Variants in CHMP3 observed in about 807,000 individuals in gnomAD.
The protein encoded by CHMP3 is charged multivesicular body protein 3, also known as 25.1 protein.
In CHMP3, 8 loss-of-function variants were observed where a neutral mutation model predicts 27.4. The ratio of observed to expected loss-of-function variants is 0.29; its 90% CI spans 0.17 to 0.53. CHMP3 has a LOEUF of 0.53. CHMP3 is among the 20% of genes least tolerant of loss of function. The probability of loss-of-function intolerance (pLI) is 0.96; values close to 1 mark genes in which losing one functional copy is unlikely to be tolerated. For missense variants in CHMP3, 208 were observed against 271.5 expected, an observed-to-expected ratio of 0.77 and a Z score of 1.64; for synonymous variants, 86 against 85.5, an observed-to-expected ratio of 1.01 and a Z score of -0.03.
chr2:86,533,780 A>AG (rs70956117), intron 2 of CHMP3, among the ~76,000 whole-genome samples: 152,377 of 152,378 alleles, frequency 1, 76,188 homozygotes, highest in Non-Finnish European at 1. Flanking sequence ...GTTGGGATTA[A>AG]GCCACCACAC....
At chr2:86,549,276 C>CG (rs1558660059) in intron 1 of CHMP3, among the ~76,000 whole-genome samples, 1 of 143,562 alleles carries the variant, frequency 7.0e-6, no homozygotes, top group East Asian at 2.3e-4. Context: ...AGGGCAGAGG[C>CG]GCTCCTCGCC....
chr2:86,556,846 T>A (rs2104051615), intron 1 of CHMP3, among the ~76,000 whole-genome samples: 1 of 152,260 alleles, frequency 6.6e-6, no homozygotes, highest in South Asian at 2.1e-4. Flanking sequence ...GATACCTGTG[T>A]CTGAGTGTAT....
intron 1 of CHMP3, among the ~76,000 whole-genome samples, chr2:86,549,008 G>A (rs1030713380): frequency 1.3e-5 from 2 of 150,728 alleles, no homozygotes; most frequent in African/African-American, 4.9e-5. Context: ...GGGCGGCCAG[G>A]CAGAGGCGCT....
In CHMP3 at chr2:86,504,661, G is replaced by C. The variant is rs997963255; in HGVS notation, c.*1143C>G. 5 of 151,710 alleles carry C rather than the reference G, an allele frequency of 3.3e-5. No individual in the cohort carries two copies. Among genetic ancestry groups the C allele is most frequent in the Non-Finnish European group, 7.4e-5 (5 of 67,946 alleles). The allele number at this position is 151,710 out of a possible 1,614,324, so 9.4% of individuals were successfully genotyped here. A position where few individuals can be genotyped will look rare whatever the true frequency, so the allele number is the denominator to read the frequency against. On this transcript the variant is annotated 3_prime_UTR_variant, in exon 6 of 6. Transcript: ENST00000263856. ...CGCACCCAGCCAAGATTGCCATTTT[G>C]TATGATGAGACTGGAAGGACCCCAT...
chr2:86,548,505 G>A (rs1676706014), intron 1 of CHMP3, among the ~76,000 whole-genome samples: 1 of 152,160 alleles, frequency 6.6e-6, no homozygotes, highest in Admixed American at 6.5e-5. Flanking sequence ...GGGGTTGGGG[G>A]TAAGGTTATA....
chr2:86,525,874 C>T (rs992590995), intron 3 of CHMP3, among the ~76,000 whole-genome samples: 1 of 152,056 alleles, frequency 6.6e-6, no homozygotes. Context: ...CTTGAGACAT[C>T]TGAGTGGAGA....
At chr2:86,544,275 T>C (rs560307833) in intron 1 of CHMP3, among the ~76,000 whole-genome samples, 2 of 152,336 alleles carry the variant, frequency 1.3e-5, no homozygotes, top group East Asian at 3.9e-4. Context: ...TGTTATTTTC[T>C]AATTTTTTTA....
At position 86,560,051 on chromosome 2, in the gene CHMP3, G is replaced by C. The variant is rs577750780; in HGVS notation, c.45+3253C>G. Among the ~76,000 whole-genome samples the C allele has an allele frequency of 4.6e-5, 7 of 152,288 alleles. No homozygotes were observed. The South Asian group carries it at 1.5e-3, about 32-fold the overall frequency. On this transcript the variant is annotated intron_variant, in intron 1 of 5. Coordinates refer to ENST00000263856, the MANE Select transcript of CHMP3 (RefSeq NM_016079.4). ...GAGGCCAAGGCGGGCAGATCACGAG[G>C]TCAGGAGATCAAGACCATCCTGGCT...
At chr2:86,527,052 G>T (rs1318108268) in intron 3 of CHMP3, 1 of 151,912 alleles carries the variant, frequency 6.6e-6, no homozygotes, top group Non-Finnish European at 1.5e-5. Context: ...TTCAACTTTT[G>T]TAATAATGCT....
intron 3 of CHMP3, among the ~76,000 whole-genome samples, chr2:86,519,990 G>A (rs1046628958): frequency 1.3e-5 from 2 of 152,134 alleles, no homozygotes; most frequent in Non-Finnish European, 2.9e-5. Flanking sequence ...GCTCAAATTT[G>A]TAGACCTGAG....
intron 5 of CHMP3, 109 bp from the exon 6 acceptor site, chr2:86,506,058 A>AGT (rs1284401157): frequency 7.8e-7 from 1 of 1,288,692 alleles, no homozygotes. Flanking sequence ...AAAATGAGAC[A>AGT]GTACAGCAAG....
intron 1 of CHMP3, among the ~76,000 whole-genome samples, chr2:86,549,587 C>G (rs1216482438): frequency 2.7e-5 from 4 of 147,830 alleles, no homozygotes; most frequent in Admixed American, 1.3e-4. Flanking sequence ...AGACGCCCCT[C>G]CCCTCCCAGA....
intron 3 of CHMP3, among the ~76,000 whole-genome samples, chr2:86,514,648 C>A (rs919926852): frequency 2.6e-5 from 4 of 152,076 alleles, no homozygotes; most frequent in African/African-American, 9.7e-5. Context: ...AGAATGCAAT[C>A]AACAAATAGG....
chr2:86,560,383 A>G (rs1214428647), intron 1 of CHMP3, among the ~76,000 whole-genome samples: 3 of 152,230 alleles, frequency 2.0e-5, no homozygotes, highest in African/African-American at 7.2e-5. Flanking sequence ...GAAGCCATAA[A>G]AAAGGATGAG....
intron 2 of CHMP3, among the ~76,000 whole-genome samples, chr2:86,535,517 CT>C (rs1201946903): frequency 6.6e-6 from 1 of 152,052 alleles, no homozygotes; most frequent in Non-Finnish European, 1.5e-5. Flanking sequence ...TCTGCATGAG[CT>C]TCTCTTTTTG....
intron 3 of CHMP3, among the ~76,000 whole-genome samples, 199 bp downstream of exon 3, chr2:86,529,019 T>C (rs758235964): frequency 6.6e-6 from 1 of 152,240 alleles, no homozygotes; most frequent in Non-Finnish European, 1.5e-5. Flanking sequence ...GATTTATATG[T>C]AGATTTCATT....
chr2:86,557,619 G>C (rs1342173829), intron 1 of CHMP3, among the ~76,000 whole-genome samples: 1 of 151,908 alleles, frequency 6.6e-6, no homozygotes, highest in East Asian at 1.9e-4. Flanking sequence ...TTTTTCCCTA[G>C]TTCCTCTAAC....
chr2:86,529,215 T>C lies in CHMP3; in HGVS notation c.286+3A>G. The C allele has an allele frequency of 1.2e-6, 2 of 1,604,262 alleles. No homozygotes were observed. The highest frequency in any genetic ancestry group is 2.2e-5 in the South Asian group (2 of 89,224). On this transcript the variant is annotated splice_donor_region_variant and intron_variant, in intron 3 of 5. Coordinates refer to ENST00000263856, the MANE Select transcript of CHMP3 (RefSeq NM_016079.4). ...GGTGACTGTAAGGTAAGTGCAGCCTTACCGAGCTGGTTCTTCATCCCCATG... is the reference window on the plus strand; with the variant it reads ...GGTGACTGTAAGGTAAGTGCAGCCTCACCGAGCTGGTTCTTCATCCCCATG...
chr2:86,503,994 C>G lies in CHMP3; in HGVS notation c.*1810G>C, dbSNP rs961014404. On this transcript the variant is annotated 3_prime_UTR_variant, in exon 6 of 6. Coordinates refer to ENST00000263856, the MANE Select transcript of CHMP3 (RefSeq NM_016079.4). ...AACTATTGGGTACTAGGCTTAGTAC[C>G]TGGGTCACTAAATAATCTGTATAAC... 2.0e-5 allele frequency: 3 copies of G among 152,106 alleles called. No homozygotes were observed. The highest frequency in any genetic ancestry group is 7.2e-5 in the African/African-American group (3 of 41,400). The allele number at this position is 152,106 out of a possible 1,614,324, so 9.4% of individuals were successfully genotyped here.
Sources: allele counts gnomAD v4.1 joint callset (sites outside exome capture counted in the v4.1 genomes callset), GRCh38; gene constraint gnomAD v4.1.1; transcripts MANE v1.5; gene names NCBI Gene and HGNC (gene_info 2026-07-23, HGNC 2026-07-21).